Variants in ME3 observed in about 807,000 individuals in gnomAD.
The protein encoded by ME3 is NADP-dependent malic enzyme, mitochondrial.
A neutral mutation model predicts 68.9 loss-of-function variants in ME3; 48 were observed. The observed-to-expected ratio is 0.70, with a 90% CI of 0.55 to 0.89. ME3 has a LOEUF of 0.89. Ranked by LOEUF, ME3 falls within the 40% of genes least tolerant of loss-of-function variation. The probability of loss-of-function intolerance (pLI) is 0.00; values close to 1 mark genes in which losing one functional copy is unlikely to be tolerated. For missense variants in ME3, 675 were observed against 797.4 expected (o/e 0.85, Z 1.85); for synonymous variants, 320 against 318.8 (o/e 1.00, Z -0.04).
intron 2 of ME3, among the ~76,000 whole-genome samples, chr11:86,600,700 A>G (rs1960477910): frequency 6.6e-6 from 1 of 152,014 alleles, no homozygotes; most frequent in Non-Finnish European, 1.5e-5. Context: ...ACATAGTTGG[A>G]AGTAAAGCTC....
chr11:86,595,879 G>C (rs529826986), intron 2 of ME3, among the ~76,000 whole-genome samples: 3 of 152,326 alleles, frequency 2.0e-5, no homozygotes, highest in Admixed American at 2.0e-4. Context: ...GGGCACCTCT[G>C]GGTGGGCCCC....
At chr11:86,500,344 C>T (rs1043981904) in intron 5 of ME3, among the ~76,000 whole-genome samples, 3 of 152,244 alleles carry the variant, frequency 2.0e-5, no homozygotes, top group East Asian at 1.9e-4. Flanking sequence ...GTGGCACTCT[C>T]CCAGCCTGGA....
At chr11:86,593,732 G>A (rs1398098578) in intron 2 of ME3, among the ~76,000 whole-genome samples, 2 of 146,212 alleles carry the variant, frequency 1.4e-5, no homozygotes, top group South Asian at 4.5e-4. Context: ...AAACAAACTT[G>A]AGATCATACT....
At chr11:86,542,874 G>A (rs917823925) in intron 4 of ME3, among the ~76,000 whole-genome samples, 1 of 152,144 alleles carries the variant, frequency 6.6e-6, no homozygotes, top group African/African-American at 2.4e-5. Flanking sequence ...AGGTTGAAAT[G>A]AAGGAAAAAA....
intron 2 of ME3, among the ~76,000 whole-genome samples, chr11:86,667,567 T>G (rs1946658664): frequency 6.6e-6 from 1 of 152,234 alleles, no homozygotes; most frequent in African/African-American, 2.4e-5. Context: ...GCATTTCAAG[T>G]CAGACAGAGC....
chr11:86,529,929 C>T (rs140583726), intron 4 of ME3, among the ~76,000 whole-genome samples: 6,908 of 152,256 alleles, frequency 0.045, 167 homozygotes, highest in South Asian at 0.099. Context: ...GAAGCATTCC[C>T]TTTGAAAACT....
At chr11:86,565,298 A>G (rs959013089) in intron 2 of ME3, among the ~76,000 whole-genome samples, 1 of 152,246 alleles carries the variant, frequency 6.6e-6, no homozygotes, top group African/African-American at 2.4e-5. Flanking sequence ...GTAAAATATT[A>G]CAGCCTGTAT....
intron 5 of ME3, among the ~76,000 whole-genome samples, chr11:86,503,307 A>T (rs1008999117): frequency 1.3e-5 from 2 of 152,228 alleles, no homozygotes; most frequent in African/African-American, 2.4e-5. Flanking sequence ...TGCAGGAATG[A>T]AAGAGTTATT....
At chr11:86,613,982 T>C (rs1209205107) in intron 2 of ME3, among the ~76,000 whole-genome samples, 1 of 152,150 alleles carries the variant, frequency 6.6e-6, no homozygotes, top group Non-Finnish European at 1.5e-5. Context: ...TTAAATTTCA[T>C]ATGGAACCAA....
At chr11:86,591,388 A>G (rs1454949816) in intron 2 of ME3, among the ~76,000 whole-genome samples, 2 of 152,216 alleles carry the variant, frequency 1.3e-5, no homozygotes, top group Admixed American at 1.3e-4. Flanking sequence ...AGGCAGTGGC[A>G]TTAAAATGGG....
chr11:86,504,530 A>T (rs1332892923), intron 5 of ME3, among the ~76,000 whole-genome samples: 1 of 151,376 alleles, frequency 6.6e-6, no homozygotes, highest in Non-Finnish European at 1.5e-5. Context: ...AGCTGGGAGG[A>T]CTACAGGTGT....
chr11:86,661,993 G>A (rs1467956617), intron 2 of ME3, among the ~76,000 whole-genome samples: 1 of 152,164 alleles, frequency 6.6e-6, no homozygotes, highest in African/African-American at 2.4e-5. Flanking sequence ...AAGTTAAAGG[G>A]AGAGAAAAAG....
chr11:86,554,232 T>G (rs1284260440), intron 4 of ME3, among the ~76,000 whole-genome samples: 1 of 152,140 alleles, frequency 6.6e-6, no homozygotes, highest in Non-Finnish European at 1.5e-5. Flanking sequence ...TAAGAGCATA[T>G]GGAGTGAGGG....
At chr11:86,463,332 G>A (rs1226186280) in intron 8 of ME3, among the ~76,000 whole-genome samples, 1 of 152,208 alleles carries the variant, frequency 6.6e-6, no homozygotes, top group Admixed American at 6.5e-5. Flanking sequence ...GCTGATTCAT[G>A]GGTGAATTCA....
At chr11:86,498,465 CG>C (rs893085157) in intron 5 of ME3, among the ~76,000 whole-genome samples, 2 of 152,098 alleles carry the variant, frequency 1.3e-5, no homozygotes, top group Admixed American at 6.5e-5. Context: ...GCCTGAGACT[CG>C]GGGTGGTGGG....
chr11:86,530,104 C>T (rs1422793385), intron 4 of ME3, among the ~76,000 whole-genome samples: 2 of 152,162 alleles, frequency 1.3e-5, no homozygotes, highest in East Asian at 3.9e-4. Flanking sequence ...TAGAAAACCC[C>T]ATTGTCTCAG....
chr11:86,669,496 T>C (rs1946786047), intron 2 of ME3, among the ~76,000 whole-genome samples: 1 of 152,060 alleles, frequency 6.6e-6, no homozygotes, highest in African/African-American at 2.4e-5. Context: ...AGGCACCTCC[T>C]CAGAGGGTGG....
At chr11:86,576,691 A>G (rs1029562931) in intron 2 of ME3, among the ~76,000 whole-genome samples, 3 of 149,378 alleles carry the variant, frequency 2.0e-5, no homozygotes, top group East Asian at 1.9e-4. Flanking sequence ...GTGCTCCTCA[A>G]TGTGGGCCCA....
chr11:86,645,814 C>G lies in ME3; in HGVS notation c.183+25948G>C, dbSNP rs545760513. Among the ~76,000 whole-genome samples the G allele has an allele frequency of 3.9e-5, 6 of 152,288 alleles. No homozygotes were observed. The East Asian group carries it at 5.8e-4, about 15-fold the overall frequency. ...CATACAGGAGAGCCCCAGCTGGCAT[C>G]TGGGAGGTGCCCCTCTGGGATGAAG... On this transcript the variant is annotated intron_variant, in intron 2 of 14. Coordinates refer to ENST00000543262, the Ensembl canonical transcript of ME3.
Sources: allele counts gnomAD v4.1 joint callset (sites outside exome capture counted in the v4.1 genomes callset), GRCh38; gene constraint gnomAD v4.1.1; transcripts MANE v1.5; gene names NCBI Gene and HGNC (gene_info 2026-07-23, HGNC 2026-07-21).